KLF12: variants seen among roughly 807,000 people sequenced by gnomAD.
The protein encoded by KLF12 is Krueppel-like factor 12.
In KLF12, 9 loss-of-function variants were observed where a neutral mutation model predicts 37.8. That is an observed-to-expected ratio of 0.24 (90% CI 0.14 to 0.42). The LOEUF (loss-of-function observed/expected upper bound fraction) is 0.42. Among genes scored for constraint, KLF12 ranks in the 10% least tolerant of loss-of-function variants. The pLI is 1.00. For missense variants in KLF12, 411 were observed against 516.0 expected, an observed-to-expected ratio of 0.80 and a Z score of 1.97; for synonymous variants, 208 against 202.1, an observed-to-expected ratio of 1.03 and a Z score of -0.25.
chr13:73,725,486 T>A (rs941492865), intron 6 of KLF12, among the ~76,000 whole-genome samples: 1 of 152,002 alleles, frequency 6.6e-6, no homozygotes, highest in Admixed American at 6.6e-5. Flanking sequence ...AACAAAAAAA[T>A]AGAATATGCT....
rs533735683 is a variant in KLF12 at position 73,912,936 on chromosome 13, TC to T, written c.123+31044del. Among the ~76,000 whole-genome samples, 5 of 151,184 alleles carry T rather than the reference TC, an allele frequency of 3.3e-5. No homozygotes were observed. In the South Asian group the frequency reaches 1.0e-3, roughly 31 times the overall value. On this transcript the variant is annotated intron_variant, in intron 3 of 7. Coordinates refer to ENST00000377669, the MANE Select transcript of KLF12 (RefSeq NM_007249.5). ...TCCCTCTCTCTCTCTCTCATATCCT[TC>T]CCCTACTTCTCCATGTTATTATCTT...
chr13:73,985,006 G>GA (rs1327465565), intron 2 of KLF12, among the ~76,000 whole-genome samples: 1 of 127,442 alleles, frequency 7.8e-6, no homozygotes, highest in African/African-American at 2.9e-5. Context: ...TTCCAAGGGT[G>GA]ACACAGCTTC....
At chr13:74,130,248 G>A (rs978279433) in intron 1 of KLF12, among the ~76,000 whole-genome samples, 1 of 152,200 alleles carries the variant, frequency 6.6e-6, no homozygotes, top group African/African-American at 2.4e-5. Flanking sequence ...AAACAAGTAA[G>A]TGTGAGTTTG....
intron 3 of KLF12, among the ~76,000 whole-genome samples, chr13:73,922,400 G>C (rs540591937): frequency 6.6e-6 from 1 of 152,232 alleles, no homozygotes; most frequent in East Asian, 1.9e-4. Context: ...GAAAAGACTG[G>C]CAAAATCAAG....
At chr13:73,708,138 A>C (rs997646276) in intron 7 of KLF12, among the ~76,000 whole-genome samples, 34 of 152,180 alleles carry the variant, frequency 2.2e-4, no homozygotes, top group Admixed American at 2.2e-3. Flanking sequence ...TAATATTTTT[A>C]AGTGTCTATA....
At chr13:73,953,306 T>C (rs927179035) in intron 2 of KLF12, among the ~76,000 whole-genome samples, 5 of 150,108 alleles carry the variant, frequency 3.3e-5, no homozygotes, top group Non-Finnish European at 5.9e-5. Context: ...GAAATACAAG[T>C]TTGGTTAAAA....
At chr13:74,301,307 A>G in the KLF12 span, among the ~76,000 whole-genome samples, 1 of 152,164 alleles carries the variant, frequency 6.6e-6, no homozygotes, top group Non-Finnish European at 1.5e-5. Flanking sequence ...CCTAATCACC[A>G]GCACTGAACA....
At chr13:73,818,015 T>C (rs1226877952) in intron 4 of KLF12, among the ~76,000 whole-genome samples, 2 of 152,286 alleles carry the variant, frequency 1.3e-5, no homozygotes, top group Non-Finnish European at 2.9e-5. Flanking sequence ...ACTTTTCAAT[T>C]CAAAATATTC....
intron 4 of KLF12, among the ~76,000 whole-genome samples, chr13:73,830,459 A>T (rs1884092042): frequency 6.6e-6 from 1 of 152,152 alleles, no homozygotes. Context: ...ATAACCAAAC[A>T]CACACTTTAT....
rs538294718 is a variant in KLF12 at position 73,691,132 on chromosome 13, A to T, written c.*4358T>A. The T allele has an allele frequency of 3.3e-5, 5 of 152,758 alleles. No individual in the cohort carries two copies. Among genetic ancestry groups the T allele is most frequent in the African/African-American group, 1.2e-4 (5 of 41,580 alleles). The allele number at this position is 152,758 out of a possible 1,614,324, so 9.5% of individuals were successfully genotyped here. Reference sequence around the variant, plus strand: ...GCACGGATTATTACAAATTCTTTTTAAAAAAGTTCTTTGCTGATATTTGTT... The same window carrying T: ...GCACGGATTATTACAAATTCTTTTTTAAAAAGTTCTTTGCTGATATTTGTT... On this transcript the variant is annotated 3_prime_UTR_variant, in exon 8 of 8. Coordinates refer to ENST00000377669, the MANE Select transcript of KLF12 (RefSeq NM_007249.5).
chr13:74,089,531 T>C (rs1341782883), intron 1 of KLF12, among the ~76,000 whole-genome samples: 3 of 152,084 alleles, frequency 2.0e-5, no homozygotes, highest in Non-Finnish European at 4.4e-5. Flanking sequence ...TTTCTTATTA[T>C]ATGGATGCAG....
chr13:74,143,510 A>G, the KLF12 span, among the ~76,000 whole-genome samples: 1 of 152,196 alleles, frequency 6.6e-6, no homozygotes, highest in African/African-American at 2.4e-5. Flanking sequence ...AGCATTTTTC[A>G]TATAATAATT....
At chr13:74,280,825 CTTTTTTTT>C in the KLF12 span, among the ~76,000 whole-genome samples, 26 of 110,560 alleles carry the variant, frequency 2.4e-4, no homozygotes, top group East Asian at 8.2e-4. Flanking sequence ...TTTCTTTTTT[CTTTTTTTT>C]TTTTTTTTGC....
At chr13:73,873,419 T>A (rs1264172936) in intron 3 of KLF12, among the ~76,000 whole-genome samples, 2 of 152,184 alleles carry the variant, frequency 1.3e-5, no homozygotes. Flanking sequence ...TCTCAAAATC[T>A]GGTTCATCAA....
chr13:73,951,714 A>G (rs540423914), intron 2 of KLF12, among the ~76,000 whole-genome samples: 1 of 152,258 alleles, frequency 6.6e-6, no homozygotes, highest in African/African-American at 2.4e-5. Flanking sequence ...GCCTCTAACC[A>G]CTTCCCCAAC....
chr13:74,148,477 AC>A, the KLF12 span, among the ~76,000 whole-genome samples: 1 of 130,480 alleles, frequency 7.7e-6, no homozygotes, highest in Non-Finnish European at 1.6e-5. Flanking sequence ...ATTCAGTAAG[AC>A]TTTCACTCCC....
intron 1 of KLF12, among the ~76,000 whole-genome samples, chr13:74,087,996 ACT>A (rs1875416953): frequency 6.6e-6 from 1 of 151,526 alleles, no homozygotes; most frequent in East Asian, 2.0e-4. Flanking sequence ...CTACCAATAT[ACT>A]CTTATTCCTT....
chr13:74,226,629 T>C, the KLF12 span, among the ~76,000 whole-genome samples: 1 of 152,326 alleles, frequency 6.6e-6, no homozygotes, highest in East Asian at 1.9e-4. Flanking sequence ...GTTTATCTTC[T>C]ATCTGCCTTC....
the KLF12 span, among the ~76,000 whole-genome samples, chr13:74,192,082 A>C: frequency 7.9e-5 from 12 of 152,266 alleles, no homozygotes; most frequent in East Asian, 2.1e-3. Context: ...AACAAAAGGC[A>C]GCAAACTGAT....
Sources: allele counts gnomAD v4.1 joint callset (sites outside exome capture counted in the v4.1 genomes callset), GRCh38; gene constraint gnomAD v4.1.1; transcripts MANE v1.5; gene names NCBI Gene and HGNC (gene_info 2026-07-23, HGNC 2026-07-21).